The following LUC7L3 variants were observed in gnomAD, a reference collection of about 807,000 sequenced individuals.
LUC7L3 encodes luc7-like protein 3.
LUC7L3 carries 6 observed loss-of-function variants against 66.8 expected under a neutral mutation model. That is an observed-to-expected ratio of 0.09 (90% CI 0.05 to 0.18). The LOEUF (loss-of-function observed/expected upper bound fraction) is 0.18. Ranked by LOEUF, LUC7L3 falls within the 10% of genes least tolerant of loss-of-function variation. The pLI is 1.00. For synonymous variants in LUC7L3, 160 were observed against 174.7 expected (o/e 0.92, Z 0.66); for missense variants, 341 against 531.1 (o/e 0.64, Z 3.52).
chr17:50,728,116 C>CAAA (rs34210400), intron 1 of LUC7L3, among the ~76,000 whole-genome samples: 8 of 128,530 alleles, frequency 6.2e-5, no homozygotes, highest in African/African-American at 2.3e-4. Flanking sequence ...AGATCTGTCT[C>CAAA]AAAAAAAAAA....
rs1970630951 is a variant in LUC7L3, at chr17:50,745,710, A to C, written c.694-10A>C. ...TACATTTGCATAAGAATCCAACTTG[A>C]TTTTTCTAGGAAAAGTTAAGGAAAA... On this transcript the variant is annotated splice_polypyrimidine_tract_variant and intron_variant, in intron 7 of 9. Coordinates refer to ENST00000505658, the MANE Select transcript of LUC7L3 (RefSeq NM_016424.5). 1 of 1,568,154 alleles carries C rather than the reference A, an allele frequency of 6.4e-7. No individual in the cohort carries two copies. The highest frequency in any genetic ancestry group is 1.4e-5 in the African/African-American group (1 of 72,154).
chr17:50,730,749 T>C lies in LUC7L3; in HGVS notation c.100-6211T>C, dbSNP rs1010184841. 4.6e-5 allele frequency among the ~76,000 whole-genome samples: 7 copies of C among 151,808 alleles called. 1 individual carries two copies. The highest frequency in any genetic ancestry group is 4.8e-5 in the African/African-American group (2 of 41,292). On this transcript the variant is annotated intron_variant, in intron 1 of 9. Transcript: ENST00000505658. The stretch of plus-strand genomic sequence containing the variant: ...TGAGGTCAGAAGTTTGAGACCAGCC[T>C]GGCCAACATGGCTTAACCCCCATCT...
Position 50,741,401 on chromosome 17 carries a change from T to C in LUC7L3, c.351+155T>C, listed in dbSNP as rs887609223. 2.0e-5 allele frequency: 16 copies of C among 787,024 alleles called. No individual in the cohort carries two copies. The Admixed American group carries it at 4.5e-4, about 22-fold the overall frequency. The allele number at this position is 787,024 out of a possible 1,614,324, so 48.8% of individuals were successfully genotyped here. A position where few individuals can be genotyped will look rare whatever the true frequency, so the allele number is the denominator to read the frequency against. On this transcript the variant is annotated intron_variant, in intron 4 of 9. Transcript: ENST00000505658. Reference sequence around the variant, plus strand: ...CATTCATTTTTTTTCCAGTCTTTATTAGCAAACATAACACTGATTTTGCTA... The same window carrying C: ...CATTCATTTTTTTTCCAGTCTTTATCAGCAAACATAACACTGATTTTGCTA...
At chr17:50,749,335 T>C in intron 9 of LUC7L3, 3 of 1,289,046 alleles carry the variant, frequency 2.3e-6, no homozygotes, top group Non-Finnish European at 3.0e-6. Context: ...AGGGAGGACT[T>C]TCCCACAAGG....
At chr17:50,745,511 C>G (rs1329581752) in intron 7 of LUC7L3, among the ~76,000 whole-genome samples, 1 of 152,100 alleles carries the variant, frequency 6.6e-6, no homozygotes, top group Non-Finnish European at 1.5e-5. Context: ...ATTTTCTTAA[C>G]TCTTGAGTGC....
At position 50,754,236 on chromosome 17, in the gene LUC7L3, TAAAAAAA is replaced by T. The variant is rs5820832; in HGVS notation, c.*3582_*3588del. ...TTTGGAATCTGCAATCAGTTGGTCT[TAAAAAAA>T]AAAAAACTTTATTTTGGAAATTTAA... On this transcript the variant is annotated 3_prime_UTR_variant, in exon 10 of 10. Coordinates refer to ENST00000505658, the MANE Select transcript of LUC7L3 (RefSeq NM_016424.5). The T allele has an allele frequency of 1.3e-5, 2 of 148,368 alleles. No homozygotes were observed. Among genetic ancestry groups the T allele is most frequent in the African/African-American group, 4.9e-5 (2 of 40,628 alleles). 9.2% of individuals were successfully genotyped at this position (148,368 alleles called of 1,614,324 possible). A position where few individuals can be genotyped will look rare whatever the true frequency, so the allele number is the denominator to read the frequency against.
Position 50,752,313 on chromosome 17 carries a change from A to T in LUC7L3, c.*1652A>T, listed in dbSNP as rs1971013159. On this transcript the variant is annotated 3_prime_UTR_variant, in exon 10 of 10. Coordinates refer to ENST00000505658, the MANE Select transcript of LUC7L3 (RefSeq NM_016424.5). ...GTGGCATAGAAAAAGTATAAAGCTC[A>T]GTTAGTTTTTTTATTATTATTATTA... The T allele has an allele frequency of 2.1e-6, 2 of 940,458 alleles. No homozygotes were observed. The highest frequency in any genetic ancestry group is 1.4e-6 in the Non-Finnish European group (1 of 707,386). The allele number at this position is 940,458 out of a possible 1,614,324, so 58.3% of individuals were successfully genotyped here.
intron 1 of LUC7L3, among the ~76,000 whole-genome samples, chr17:50,734,122 A>G (rs73335543): frequency 0.024 from 3,607 of 152,126 alleles, 95 homozygotes; most frequent in African/African-American, 0.056. Flanking sequence ...AAAATAAACT[A>G]TTTGTGACAA....
At chr17:50,723,551 T>A (rs1037411923) in intron 1 of LUC7L3, 1 of 153,316 alleles carries the variant, frequency 6.5e-6, no homozygotes, top group East Asian at 1.9e-4. Context: ...TCTATTAATA[T>A]GTATTTTACT....
chr17:50,721,716 C>A (rs927766949), intron 1 of LUC7L3, among the ~76,000 whole-genome samples: 10 of 152,312 alleles, frequency 6.6e-5, no homozygotes, highest in South Asian at 6.2e-4. Context: ...GGGTCATCTG[C>A]ATATTCTTGT....
chr17:50,750,933 T>C lies in LUC7L3; in HGVS notation c.*272T>C. The C allele has an allele frequency of 1.3e-6, 2 of 1,530,276 alleles. No individual in the cohort carries two copies. The highest frequency in any genetic ancestry group is 1.7e-6 in the Non-Finnish European group (2 of 1,143,978). 94.8% of individuals were successfully genotyped at this position (1,530,276 alleles called of 1,614,324 possible). On this transcript the variant is annotated 3_prime_UTR_variant, in exon 10 of 10. Transcript: ENST00000505658. ...CTCTTTGGAAATTATCGCCCACATT[T>C]GTAATATAGTCGCCATTGAAAAGTT...
At chr17:50,740,456 C>T (rs1379884446) in intron 3 of LUC7L3, 111 bp downstream of exon 3, 1 of 994,248 alleles carries the variant, frequency 1.0e-6, no homozygotes, top group African/African-American at 1.7e-5. Context: ...TGAGAGAAGT[C>T]CAGTCAGTGG....
At chr17:50,749,145 TC>T in intron 9 of LUC7L3, 2 of 1,166,628 alleles carry the variant, frequency 1.7e-6, no homozygotes, top group Non-Finnish European at 2.3e-6. Context: ...TTTCCTTTTT[TC>T]ATCCATAGCC....
intron 1 of LUC7L3, chr17:50,721,947 A>T (rs1012655312): frequency 1.3e-5 from 2 of 152,054 alleles, no homozygotes; most frequent in Non-Finnish European, 2.9e-5. Flanking sequence ...AAAATAAGGA[A>T]AGGAAGCAAC....
At chr17:50,733,280 A>G (rs1254506526) in intron 1 of LUC7L3, among the ~76,000 whole-genome samples, 5 of 149,718 alleles carry the variant, frequency 3.3e-5, no homozygotes, top group African/African-American at 1.2e-4. Context: ...GTCTCGCTCT[A>G]TCACCCGGTG....
rs1970960336 is a variant in LUC7L3 at position 50,751,149 on chromosome 17, ATTTC to A, written c.*492_*495del. 1 of 1,475,462 alleles carries A rather than the reference ATTTC, an allele frequency of 6.8e-7. No individual in the cohort carries two copies. The highest frequency in any genetic ancestry group is 1.3e-5 in the South Asian group (1 of 74,984). The allele number at this position is 1,475,462 out of a possible 1,614,324, so 91.4% of individuals were successfully genotyped here. On this transcript the variant is annotated 3_prime_UTR_variant, in exon 10 of 10. Coordinates refer to ENST00000505658, the MANE Select transcript of LUC7L3 (RefSeq NM_016424.5). ...ACTTTGTTTTAATTAAACTGCTAGT[ATTTC>A]TTTGTCAAGGATGTTTCTAGTTTTT...
rs1001548468 is a variant in LUC7L3 at position 50,755,770 on chromosome 17, G to A, written c.*5109G>A. On this transcript the variant is annotated 3_prime_UTR_variant, in exon 10 of 10. Coordinates refer to ENST00000505658, the MANE Select transcript of LUC7L3 (RefSeq NM_016424.5). Reference sequence around the variant, plus strand: ...TACCAGGGGATGGATTTAAGCATTTGTGTGTAATAGGAAGAAAAGAAGAAA... The same window carrying A: ...TACCAGGGGATGGATTTAAGCATTTATGTGTAATAGGAAGAAAAGAAGAAA... 9 of 152,152 alleles carry A rather than the reference G, an allele frequency of 5.9e-5. No homozygotes were observed. The highest frequency in any genetic ancestry group is 2.2e-4 in the African/African-American group (9 of 41,432). 9.4% of individuals were successfully genotyped at this position (152,152 alleles called of 1,614,324 possible). A position where few individuals can be genotyped will look rare whatever the true frequency, so the allele number is the denominator to read the frequency against.
chr17:50,741,971 G>A (rs977241809), intron 5 of LUC7L3, among the ~76,000 whole-genome samples: 4 of 152,182 alleles, frequency 2.6e-5, no homozygotes, highest in African/African-American at 7.2e-5. Flanking sequence ...AGCTACACAC[G>A]AGGCTGAGTT....
chr17:50,754,723 A>G lies in LUC7L3; in HGVS notation c.*4062A>G, dbSNP rs923045172. 1 of 152,076 alleles carries G rather than the reference A, an allele frequency of 6.6e-6. No individual in the cohort carries two copies. The highest frequency in any genetic ancestry group is 2.4e-5 in the African/African-American group (1 of 41,392). 9.4% of individuals were successfully genotyped at this position (152,076 alleles called of 1,614,324 possible). A position where few individuals can be genotyped will look rare whatever the true frequency, so the allele number is the denominator to read the frequency against. On this transcript the variant is annotated 3_prime_UTR_variant, in exon 10 of 10. Coordinates refer to ENST00000505658, the MANE Select transcript of LUC7L3 (RefSeq NM_016424.5). ...ACATCCTTTTCTTGATCTTGAGCTT[A>G]TAATAACCTAGTCATATTGCTCAGC...
Sources: allele counts gnomAD v4.1 joint callset (sites outside exome capture counted in the v4.1 genomes callset), GRCh38; gene constraint gnomAD v4.1.1; transcripts MANE v1.5; gene names NCBI Gene and HGNC (gene_info 2026-07-23, HGNC 2026-07-21).